PDSS2: variants seen among roughly 807,000 people sequenced by gnomAD.
PDSS2 encodes the protein decaprenyl diphosphate synthase subunit 2, also known as all trans-polyprenyl-diphosphate synthase PDSS2.
PDSS2 carries 31 observed loss-of-function variants against 44.5 expected under a neutral mutation model. That is an observed-to-expected ratio of 0.70 (90% CI 0.52 to 0.94). The LOEUF is 0.94. Ranked by LOEUF, PDSS2 falls within the 40% of genes least tolerant of loss-of-function variation. PDSS2 has a pLI of 0.00. For missense variants in PDSS2, 452 were observed against 482.2 expected (o/e 0.94, Z 0.59); for synonymous variants, 157 against 180.3 (o/e 0.87, Z 1.03).
chr6:107,338,297 G>A (rs1211232201), intron 1 of PDSS2, among the ~76,000 whole-genome samples: 1 of 152,112 alleles, frequency 6.6e-6, no homozygotes, highest in Non-Finnish European at 1.5e-5. Flanking sequence ...TTCTCTTAAG[G>A]GACACTGACA....
rs1770774429 is a variant in PDSS2, at chr6:107,153,389, G to A, written c.*1230C>T. Reference sequence around the variant, plus strand: ...CTGTGAGATTGCTTATATTCTTTCTGTAATTGGATGTCTGTGGTTCAAGAC... The same window carrying A: ...CTGTGAGATTGCTTATATTCTTTCTATAATTGGATGTCTGTGGTTCAAGAC... On this transcript the variant is annotated 3_prime_UTR_variant, in exon 8 of 8. Transcript: ENST00000369037. 6.6e-6 allele frequency: 1 copy of A among 152,552 alleles called. No homozygotes were observed. Among genetic ancestry groups the A allele is most frequent in the African/African-American group, 2.4e-5 (1 of 41,422 alleles). The allele number at this position is 152,552 out of a possible 1,614,324, so 9.4% of individuals were successfully genotyped here. A position where few individuals can be genotyped will look rare whatever the true frequency, so the allele number is the denominator to read the frequency against.
chr6:107,413,127 A>C (rs1193941864), intron 1 of PDSS2, among the ~76,000 whole-genome samples: 1 of 152,186 alleles, frequency 6.6e-6, no homozygotes, highest in East Asian at 1.9e-4. Context: ...TCTCTTTCAA[A>C]GTTTTTCAGA....
intron 5 of PDSS2, 104 bp downstream of exon 5, chr6:107,212,005 A>T: frequency 1.1e-6 from 1 of 938,948 alleles, no homozygotes; most frequent in Non-Finnish European, 1.7e-6. Flanking sequence ...CCACACAATA[A>T]GCATTTTTGA....
intron 1 of PDSS2, among the ~76,000 whole-genome samples, chr6:107,353,484 G>C (rs988565419): frequency 2.6e-5 from 4 of 151,970 alleles, no homozygotes; most frequent in Non-Finnish European, 4.4e-5. Flanking sequence ...TCTCATATTA[G>C]CTAATATGAC....
At chr6:107,437,021 C>A (rs1781370401) in intron 1 of PDSS2, among the ~76,000 whole-genome samples, 1 of 151,680 alleles carries the variant, frequency 6.6e-6, no homozygotes, top group Non-Finnish European at 1.5e-5. Context: ...TTTTGAGACA[C>A]AGTCTTGCTC....
intron 2 of PDSS2, among the ~76,000 whole-genome samples, chr6:107,312,148 G>A (rs1777063965): frequency 6.6e-6 from 1 of 152,154 alleles, no homozygotes; most frequent in South Asian, 2.1e-4. Flanking sequence ...TTGCTGGCAG[G>A]TCTAGTGCAA....
intron 4 of PDSS2, among the ~76,000 whole-genome samples, chr6:107,243,708 G>C (rs900861809): frequency 1.6e-4 from 25 of 152,136 alleles, no homozygotes; most frequent in African/African-American, 5.8e-4. Flanking sequence ...GAGCGGGTAC[G>C]GGGAAGTGCT....
chr6:107,438,500 C>T (rs1781423259), intron 1 of PDSS2, among the ~76,000 whole-genome samples: 1 of 152,142 alleles, frequency 6.6e-6, no homozygotes, highest in Non-Finnish European at 1.5e-5. Flanking sequence ...CAGGTGTGAG[C>T]CACCATGCCC....
intron 1 of PDSS2, among the ~76,000 whole-genome samples, chr6:107,387,064 G>A (rs567114640): frequency 6.6e-6 from 1 of 152,300 alleles, no homozygotes; most frequent in African/African-American, 2.4e-5. Flanking sequence ...TGAAGGGTTT[G>A]TCCATTTTTC....
chr6:107,420,296 C>T (rs1780784063), intron 1 of PDSS2, among the ~76,000 whole-genome samples: 1 of 152,196 alleles, frequency 6.6e-6, no homozygotes, highest in South Asian at 2.1e-4. Context: ...CAGAACCAGT[C>T]CCACACAGAC....
chr6:107,259,236 T>C (rs1447843968), intron 3 of PDSS2, among the ~76,000 whole-genome samples: 2 of 152,146 alleles, frequency 1.3e-5, no homozygotes, highest in Admixed American at 6.5e-5. Flanking sequence ...ATTTCAGTGA[T>C]AAAAATGGGG....
At chr6:107,314,334 G>A (rs1332162063) in intron 2 of PDSS2, among the ~76,000 whole-genome samples, 2 of 151,972 alleles carry the variant, frequency 1.3e-5, no homozygotes, top group Admixed American at 1.3e-4. Context: ...GTGGCAGTAA[G>A]GAAGCAGATA....
chr6:107,185,811 G>A (rs757442786), intron 7 of PDSS2, among the ~76,000 whole-genome samples: 1 of 152,122 alleles, frequency 6.6e-6, no homozygotes, highest in Non-Finnish European at 1.5e-5. Flanking sequence ...GAGCTGAAGC[G>A]GCTCTGCCTA....
At chr6:107,283,481 G>A (rs1323169648) in intron 2 of PDSS2, among the ~76,000 whole-genome samples, 4 of 152,164 alleles carry the variant, frequency 2.6e-5, no homozygotes, top group Non-Finnish European at 5.9e-5. Flanking sequence ...AGTACTTTGG[G>A]AGGCTGAGGT....
intron 6 of PDSS2, among the ~76,000 whole-genome samples, chr6:107,200,816 A>C (rs1158743505): frequency 6.6e-6 from 1 of 151,900 alleles, no homozygotes; most frequent in African/African-American, 2.4e-5. Context: ...ATAGGTGCCC[A>C]CCACCATGCC....
chr6:107,409,399 A>C (rs1780421309), intron 1 of PDSS2, among the ~76,000 whole-genome samples: 1 of 151,598 alleles, frequency 6.6e-6, no homozygotes, highest in Non-Finnish European at 1.5e-5. Flanking sequence ...TTTTTTTTTT[A>C]ATTAGGGAAA....
intron 1 of PDSS2, among the ~76,000 whole-genome samples, chr6:107,386,262 T>C (rs1249641174): frequency 1.3e-5 from 2 of 152,086 alleles, no homozygotes; most frequent in Non-Finnish European, 2.9e-5. Flanking sequence ...ATCAAAATAA[T>C]TTACAAAGAT....
intron 1 of PDSS2, among the ~76,000 whole-genome samples, chr6:107,419,385 T>C (rs1780758001): frequency 6.6e-6 from 1 of 152,212 alleles, no homozygotes; most frequent in African/African-American, 2.4e-5. Flanking sequence ...TTCTTCAATG[T>C]TTTTTATTTG....
At chr6:107,231,465 G>A (rs1308152228) in intron 4 of PDSS2, among the ~76,000 whole-genome samples, 1 of 152,150 alleles carries the variant, frequency 6.6e-6, no homozygotes, top group Non-Finnish European at 1.5e-5. Flanking sequence ...CAACAATCTC[G>A]TCTGTTGCTT....
Sources: gnomAD v4.1 joint callset for allele counts (sites outside exome capture counted in the v4.1 genomes callset) on GRCh38, gnomAD v4.1.1 for gene constraint, MANE v1.5 for transcripts, NCBI Gene and HGNC (gene_info 2026-07-23, HGNC 2026-07-21) for gene names.